WWOX: variants seen among roughly 807,000 people sequenced by gnomAD.
WWOX encodes WW domain containing oxidoreductase, also known as WW domain-containing oxidoreductase.
A neutral mutation model predicts 46.2 loss-of-function variants in WWOX; 69 were observed. The observed-to-expected ratio is 1.49, with a 90% CI of 1.23 to 1.82. The LOEUF is 1.82. Among genes scored for constraint, WWOX ranks in the 40% most tolerant of loss-of-function variants. The pLI, the probability that WWOX is intolerant of heterozygous loss-of-function variation, is 0.00. For missense variants in WWOX, 919 were observed against 542.6 expected (o/e 1.69, Z -6.89); for synonymous variants, 359 against 202.6 (o/e 1.77, Z -6.56).
intron 5 of WWOX, among the ~76,000 whole-genome samples, chr16:78,345,458 C>CAAAAAAAAAA (rs71137889): frequency 2.2e-4 from 6 of 26,778 alleles, no homozygotes; most frequent in Admixed American, 4.9e-4. Flanking sequence ...CCATCGCTAC[C>CAAAAAAAAAA]AAAAAAAAAA....
chr16:78,737,080 C>T (rs2049109415), intron 8 of WWOX, among the ~76,000 whole-genome samples: 2 of 151,892 alleles, frequency 1.3e-5, no homozygotes, highest in South Asian at 4.2e-4. Context: ...CCTTGCTCAT[C>T]TGTCTTTATT....
At position 78,637,679 on chromosome 16, in the gene WWOX, G is replaced by A. The variant is rs544966981; in HGVS notation, c.1056+204927G>A. Among the ~76,000 whole-genome samples, 12 of 152,294 alleles carry A rather than the reference G, an allele frequency of 7.9e-5. 1 individual carries two copies. In the East Asian group the frequency reaches 2.1e-3, roughly 27 times the overall value. ...TTTTCCTGTATGCTCCTTGATGAAG[G>A]GCTCAGAGCTAAGCGCGGAGTAGGT... On this transcript the variant is annotated intron_variant, in intron 8 of 8. Transcript: ENST00000566780.
chr16:78,401,148 A>G (rs1300112572), intron 6 of WWOX, among the ~76,000 whole-genome samples: 1 of 152,194 alleles, frequency 6.6e-6, no homozygotes, highest in African/African-American at 2.4e-5. Context: ...AGAATGATAG[A>G]CCTTCCATAG....
intron 5 of WWOX, among the ~76,000 whole-genome samples, chr16:78,183,249 A>G (rs902006913): frequency 2.0e-5 from 3 of 152,134 alleles, no homozygotes; most frequent in African/African-American, 4.8e-5. Context: ...CTAGGGGTCT[A>G]TGTGTGTATG....
At chr16:78,752,381 G>T (rs2049505068) in intron 8 of WWOX, among the ~76,000 whole-genome samples, 1 of 152,160 alleles carries the variant, frequency 6.6e-6, no homozygotes, top group Non-Finnish European at 1.5e-5. Context: ...TCTGCCTCCT[G>T]GGTTCAAGCG....
intron 8 of WWOX, among the ~76,000 whole-genome samples, chr16:78,605,301 G>A (rs2045728583): frequency 6.6e-6 from 1 of 151,298 alleles, no homozygotes. Flanking sequence ...CCCTCATGGT[G>A]TGTCTTGCTC....
At chr16:78,569,167 G>A (rs1597282137) in intron 8 of WWOX, among the ~76,000 whole-genome samples, 1 of 152,226 alleles carries the variant, frequency 6.6e-6, no homozygotes, top group South Asian at 2.1e-4. Context: ...GAACCCTATG[G>A]GCAGAAATGT....
intron 8 of WWOX, among the ~76,000 whole-genome samples, chr16:79,049,690 G>C (rs1001011147): frequency 6.6e-6 from 1 of 152,064 alleles, no homozygotes; most frequent in Non-Finnish European, 1.5e-5. Flanking sequence ...ACAAAAATTA[G>C]CCTGGCGTGG....
At chr16:78,254,907 C>T (rs77484073) in intron 5 of WWOX, among the ~76,000 whole-genome samples, 3,665 of 152,260 alleles carry the variant, frequency 0.024, 50 homozygotes, top group African/African-American at 0.033. Context: ...TTGTTGAAAA[C>T]CCACTGTCTG....
intron 8 of WWOX, among the ~76,000 whole-genome samples, chr16:78,974,986 G>C (rs1454738010): frequency 1.3e-5 from 2 of 152,174 alleles, no homozygotes; most frequent in Admixed American, 6.5e-5. Flanking sequence ...GCTTGTGGAA[G>C]GGACTCCCCA....
chr16:78,556,868 A>T (rs1597261577), intron 8 of WWOX, among the ~76,000 whole-genome samples: 2 of 152,038 alleles, frequency 1.3e-5, no homozygotes, highest in African/African-American at 4.8e-5. Context: ...ACAGGTGCCC[A>T]CCACCAAGCC....
chr16:79,140,699 T>G (rs1597411423), intron 8 of WWOX, among the ~76,000 whole-genome samples: 1 of 152,180 alleles, frequency 6.6e-6, no homozygotes, highest in Non-Finnish European at 1.5e-5. Flanking sequence ...TCAGAAAACA[T>G]CTCATTCACA....
At chr16:78,779,263 G>A (rs2050267177) in intron 8 of WWOX, among the ~76,000 whole-genome samples, 1 of 152,132 alleles carries the variant, frequency 6.6e-6, no homozygotes, top group African/African-American at 2.4e-5. Flanking sequence ...TCCCATCTCA[G>A]CCTCCTGAGT....
intron 8 of WWOX, among the ~76,000 whole-genome samples, chr16:78,684,288 G>A (rs1318042100): frequency 6.6e-6 from 1 of 152,170 alleles, no homozygotes; most frequent in African/African-American, 2.4e-5. Context: ...CTGTCCAGGT[G>A]TACTCAGAGT....
At chr16:79,163,869 T>C (rs1272335768) in intron 8 of WWOX, among the ~76,000 whole-genome samples, 1 of 111,942 alleles carries the variant, frequency 8.9e-6, no homozygotes, top group Non-Finnish European at 1.7e-5. Flanking sequence ...AAAGCAACAG[T>C]AAGGAAGAGA....
chr16:78,564,350 C>G (rs1183205436), intron 8 of WWOX, among the ~76,000 whole-genome samples: 1 of 152,124 alleles, frequency 6.6e-6, no homozygotes, highest in Non-Finnish European at 1.5e-5. Context: ...CAGAAGTATT[C>G]AGTTATTTGG....
At chr16:78,516,241 T>A (rs1214462354) in intron 8 of WWOX, among the ~76,000 whole-genome samples, 1 of 152,106 alleles carries the variant, frequency 6.6e-6, no homozygotes, top group Non-Finnish European at 1.5e-5. Flanking sequence ...TAAACAGACA[T>A]CTATGCCAAA....
At chr16:78,819,277 A>G (rs1390542916) in intron 8 of WWOX, among the ~76,000 whole-genome samples, 2 of 152,170 alleles carry the variant, frequency 1.3e-5, no homozygotes, top group Admixed American at 1.3e-4. Flanking sequence ...TTCTGGAGGC[A>G]AGACTCAACT....
chr16:78,673,601 T>G (rs1255123339), intron 8 of WWOX, among the ~76,000 whole-genome samples: 1 of 152,206 alleles, frequency 6.6e-6, no homozygotes, highest in Non-Finnish European at 1.5e-5. Flanking sequence ...CCATTAGTGT[T>G]GGTTACGACT....
Sources: gnomAD v4.1 joint callset for allele counts (sites outside exome capture counted in the v4.1 genomes callset) on GRCh38, gnomAD v4.1.1 for gene constraint, MANE v1.5 for transcripts, NCBI Gene and HGNC (gene_info 2026-07-23, HGNC 2026-07-21) for gene names.